The following RIOK1 variants were observed in gnomAD, a reference collection of about 807,000 sequenced individuals.
The protein encoded by RIOK1 is RIO kinase 1, also known as serine/threonine-protein kinase RIO1.
In RIOK1, 66 loss-of-function variants were observed where a neutral mutation model predicts 73.5. The ratio of observed to expected loss-of-function variants is 0.90; its 90% CI spans 0.74 to 1.10. The LOEUF (loss-of-function observed/expected upper bound fraction) is 1.10. RIOK1 is among the 50% of genes least tolerant of loss of function. The pLI, the probability that RIOK1 is intolerant of heterozygous loss-of-function variation, is 0.00. For synonymous variants in RIOK1, 224 were observed against 226.8 expected (o/e 0.99, Z 0.11); for missense variants, 658 against 699.8 (o/e 0.94, Z 0.67).
At chr6:7,396,225 T>C (rs1761469992) in intron 3 of RIOK1, among the ~76,000 whole-genome samples, 1 of 152,188 alleles carries the variant, frequency 6.6e-6, no homozygotes, top group Admixed American at 6.5e-5. Context: ...CTTTCTATTC[T>C]TGTGGATCTT....
chr6:7,390,040 C>T lies in RIOK1; in HGVS notation c.38C>T (p.Pro13Leu). The change falls in exon 1 of 17, where the codon CCC becomes CTC. Residue 13 changes from proline to leucine, a missense_variant. Pro to Leu is a moderately conservative substitution (Grantham distance 98, BLOSUM62 -3). Coordinates refer to ENST00000379834, the MANE Select transcript of RIOK1 (RefSeq NM_031480.3). ...CGGCTTCTCATGAGCCGGGTGGTCC[C>T]CGGGCAATTCGACGACGCGGACTCC... is the stretch of plus-strand genomic sequence containing the variant. ...YRRLLMSRVV[P>L]GQFDDADSSD... The T allele has an allele frequency of 1.9e-6, 3 of 1,558,908 alleles. No individual in the cohort carries two copies. Among genetic ancestry groups the T allele is most frequent in the Non-Finnish European group, 1.7e-6 (2 of 1,151,496 alleles).
At chr6:7,403,718 G>A (rs184465332) in intron 8 of RIOK1, among the ~76,000 whole-genome samples, 28 of 151,612 alleles carry the variant, frequency 1.8e-4, no homozygotes, top group South Asian at 4.2e-4. Flanking sequence ...GGGTATTACA[G>A]GTTATGGGAT....
chr6:7,405,470 A>G, intron 12 of RIOK1, 115 bp downstream of exon 12: 2 of 645,994 alleles, frequency 3.1e-6, no homozygotes, highest in South Asian at 3.8e-5. Context: ...CAGTTTTGAA[A>G]TATCTGCCTT....
chr6:7,402,562 T>G (rs377135995), intron 6 of RIOK1, 41 bp from the exon 7 acceptor site: 8 of 1,462,194 alleles, frequency 5.5e-6, no homozygotes, highest in Non-Finnish European at 7.4e-6. Context: ...AGTGGTTATT[T>G]AACATAAACT....
Position 7,410,413 on chromosome 6 carries a change from A to G in RIOK1, c.1231A>G (p.Lys411Glu). ...CATGGAAATAGCATCTCAAAGGACC[A>G]AGGAAGAACGGTCTAGCCAAGATCA... ...KAMEIASQRT[K>E]EERSSQDHVD... is the part of the protein sequence containing the mutation. The change falls in exon 13 of 17, where the codon AAG (lysine) becomes GAG (glutamate). Residue 411 changes from lysine to glutamate, a missense_variant. Lys to Glu is a moderately conservative substitution (Grantham distance 56, BLOSUM62 1). Coordinates refer to ENST00000379834, the MANE Select transcript of RIOK1 (RefSeq NM_031480.3). 6.2e-7 allele frequency: 1 copy of G among 1,613,188 alleles called. No individual in the cohort carries two copies. Among genetic ancestry groups the G allele is most frequent in the East Asian group, 2.2e-5 (1 of 44,864 alleles).
Position 7,404,405 on chromosome 6 carries a change from C to G in RIOK1, c.855-13C>G, listed in dbSNP as rs1183696876. On this transcript the variant is annotated splice_polypyrimidine_tract_variant and intron_variant, in intron 9 of 16. Transcript: ENST00000379834. The stretch of plus-strand genomic sequence containing the variant: ...TGTTCTTGGTCATTTTATCTTAGTT[C>G]TTTTCATTCAAGGCCTGCACCACTC... 8.7e-6 allele frequency: 14 copies of G among 1,613,360 alleles called. No homozygotes were observed. Among genetic ancestry groups the G allele is most frequent in the African/African-American group, 5.3e-5 (4 of 74,888 alleles).
chr6:7,393,353 C>G (rs1178341216), intron 2 of RIOK1, 50 bp downstream of exon 2: 1 of 1,491,472 alleles, frequency 6.7e-7, no homozygotes, highest in Admixed American at 1.7e-5. Flanking sequence ...CTTATGTCTA[C>G]TTTTTTAAAA....
intron 10 of RIOK1, 119 bp from the exon 11 acceptor site, chr6:7,404,799 C>A: frequency 1.0e-6 from 1 of 962,430 alleles, no homozygotes; most frequent in Non-Finnish European, 1.6e-6. Context: ...ATTGCCTCAT[C>A]TTATCTACCT....
chr6:7,416,937 T>G (rs1762019084), intron 16 of RIOK1, among the ~76,000 whole-genome samples: 1 of 151,958 alleles, frequency 6.6e-6, no homozygotes, highest in Non-Finnish European at 1.5e-5. Context: ...TGTATTTTAT[T>G]TAGTTATAAT....
At chr6:7,407,921 C>T (rs141239757) in intron 12 of RIOK1, among the ~76,000 whole-genome samples, 23 of 152,308 alleles carry the variant, frequency 1.5e-4, no homozygotes, top group African/African-American at 5.5e-4. Context: ...CTGTTGATTG[C>T]AAGCTTTGAT....
chr6:7,415,561 A>C (rs1296141847), intron 16 of RIOK1, among the ~76,000 whole-genome samples: 1 of 152,222 alleles, frequency 6.6e-6, no homozygotes, highest in African/African-American at 2.4e-5. Context: ...CTGCTTAGTT[A>C]AGATGGAAAA....
intron 1 of RIOK1, among the ~76,000 whole-genome samples, chr6:7,391,455 A>G (rs74912753): frequency 0.02 from 3,057 of 152,328 alleles, 112 homozygotes; most frequent in African/African-American, 0.064. Context: ...AGAAAGAGGA[A>G]GGGCATTCCA....
At position 7,390,012 on chromosome 6, in the gene RIOK1, C is replaced by T; in HGVS notation, c.10C>T (p.Arg4Trp). ...GCGGCGCTCTCCAGTCATGGACTAC[C>T]GGCGGCTTCTCATGAGCCGGGTGGT... is the stretch of plus-strand genomic sequence containing the variant. The part of the protein sequence containing the change: MDY[R>W]RLLMSRVVPG... The change falls in exon 1 of 17, where the codon CGG becomes TGG. Residue 4 changes from arginine to tryptophan, a missense_variant. Coordinates refer to ENST00000379834, the MANE Select transcript of RIOK1 (RefSeq NM_031480.3). 6.4e-7 allele frequency: 1 copy of T among 1,553,292 alleles called. No homozygotes were observed. Among genetic ancestry groups the T allele is most frequent in the South Asian group, 1.2e-5 (1 of 84,240 alleles).
Position 7,396,773 on chromosome 6 carries a change from G to A in RIOK1, c.437+1G>A. The A allele has an allele frequency of 6.5e-7, 1 of 1,527,364 alleles. No individual in the cohort carries two copies. 94.6% of individuals were successfully genotyped at this position (1,527,364 alleles called of 1,614,324 possible). A position where few individuals can be genotyped will look rare whatever the true frequency, so the allele number is the denominator to read the frequency against. ...AGTCTAGACAAAAGGAAGCAGATATGTAAGTAATATTTTAATAATATGCAT... is the reference window on the plus strand; with the variant it reads ...AGTCTAGACAAAAGGAAGCAGATATATAAGTAATATTTTAATAATATGCAT... On this transcript the variant is annotated splice_donor_variant, in intron 4 of 16. Coordinates refer to ENST00000379834, the MANE Select transcript of RIOK1 (RefSeq NM_031480.3). LOFTEE classifies it high-confidence loss of function.
chr6:7,415,707 A>G (rs757934066), intron 16 of RIOK1, among the ~76,000 whole-genome samples: 2 of 152,228 alleles, frequency 1.3e-5, no homozygotes, highest in Non-Finnish European at 2.9e-5. Context: ...GAGTGCCACC[A>G]GGCCATTTAC....
At chr6:7,410,099 AATT>A (rs1761851309) in intron 12 of RIOK1, among the ~76,000 whole-genome samples, 1 of 152,144 alleles carries the variant, frequency 6.6e-6, no homozygotes, top group Non-Finnish European at 1.5e-5. Context: ...TGCAAAAGCT[AATT>A]ATTTAAATTT....
rs762844526 is a variant in RIOK1, at chr6:7,404,524, G to T, written c.961G>T (p.Val321Phe). 6.2e-7 allele frequency: 1 copy of T among 1,614,152 alleles called. No homozygotes were observed. ...AAGAATGTATCAGGATGCCAGACTT[G>T]TCCATGCAGATCTCAGTGAATTTAA... ...MRRMYQDARLVHADLSEFNML... is the reference protein window; with the variant it reads ...MRRMYQDARLFHADLSEFNML... Residue 321 changes from valine to phenylalanine, a missense_variant, in exon 10 of 17, where the codon GTC becomes TTC. Physicochemically the swap from Val to Phe is conservative, Grantham distance 50. Transcript: ENST00000379834.
chr6:7,396,757 A>C lies in RIOK1; in HGVS notation c.422A>C (p.Gln141Pro). ...VINKVTEKSRQKEADMYRIKD... is the reference protein window; with the variant it reads ...VINKVTEKSRPKEADMYRIKD... ...AATAAAGTCACCGAAAAGTCTAGAC[A>C]AAAGGAAGCAGATATGTAAGTAATA... The change falls in exon 4 of 17, where the codon CAA (glutamine) becomes CCA (proline). Residue 141 changes from glutamine to proline, a missense_variant. By Grantham distance (76) the Gln-to-Pro change is moderately conservative. Transcript: ENST00000379834. 6.3e-7 allele frequency: 1 copy of C among 1,585,530 alleles called. No individual in the cohort carries two copies. Among genetic ancestry groups the C allele is most frequent in the East Asian group, 2.2e-5 (1 of 44,636 alleles).
chr6:7,408,081 G>A (rs576866056), intron 12 of RIOK1, among the ~76,000 whole-genome samples: 107 of 152,272 alleles, frequency 7.0e-4, no homozygotes, highest in Middle Eastern at 6.8e-3. Context: ...CTGTTGCCCA[G>A]GCTGGAGTGC....
Sources: gnomAD v4.1 joint callset for allele counts (sites outside exome capture counted in the v4.1 genomes callset) on GRCh38, gnomAD v4.1.1 for gene constraint, MANE v1.5 for transcripts, NCBI Gene and HGNC (gene_info 2026-07-23, HGNC 2026-07-21) for gene names.